The following COL28A1 variants were observed in gnomAD, a reference collection of about 807,000 sequenced individuals.
COL28A1 encodes the protein collagen type XXVIII alpha 1 chain.
A neutral mutation model predicts 150.2 loss-of-function variants in COL28A1; 161 were observed. That is an observed-to-expected ratio of 1.07 (90% CI 0.94 to 1.22). The LOEUF (loss-of-function observed/expected upper bound fraction) is 1.22, where lower values mean the gene tolerates loss of function less well. Ranked by LOEUF, COL28A1 falls within the 50% of genes most tolerant of loss-of-function variation. The pLI is 0.00. For synonymous variants in COL28A1, 552 were observed against 469.7 expected (o/e 1.18, Z -2.26); for missense variants, 1,617 against 1,388.3 (o/e 1.16, Z -2.62).
In COL28A1 at chr7:7,359,162, A is replaced by C. The variant is rs186918270; in HGVS notation, c.3206-357T>G. Among the ~76,000 whole-genome samples the C allele has an allele frequency of 2.8e-3, 423 of 152,278 alleles. 1 individual carries two copies. The highest frequency in any genetic ancestry group is 4.7e-3 in the Non-Finnish European group (319 of 68,012). ...TTCATTTACACTGGATTTGATTTAC[A>C]ATCAAATTAATATTTGGAATAAAAA... On this transcript the variant is annotated intron_variant, in intron 34 of 34. Coordinates refer to ENST00000399429, the MANE Select transcript of COL28A1 (RefSeq NM_001037763.3).
chr7:7,359,611 C>T (rs929384634), intron 34 of COL28A1, among the ~76,000 whole-genome samples: 1 of 152,114 alleles, frequency 6.6e-6, no homozygotes, highest in African/African-American at 2.4e-5. Context: ...ACAAAAAATC[C>T]CCAAATAGAT....
At chr7:7,499,485 A>C (rs1435959845) in intron 11 of COL28A1, among the ~76,000 whole-genome samples, 1 of 152,192 alleles carries the variant, frequency 6.6e-6, no homozygotes, top group African/African-American at 2.4e-5. Flanking sequence ...AACTTAAAAC[A>C]GTTTTTTGTT....
rs976264456 is a variant in COL28A1, at chr7:7,376,833, C to T, written c.2323-1336G>A. ...AACTTGATTACTGAAATTGAATGTG[C>T]GGCCATTTAAAGGCTCTGCGATACA... On this transcript the variant is annotated intron_variant, in intron 30 of 34. Coordinates refer to ENST00000399429, the MANE Select transcript of COL28A1 (RefSeq NM_001037763.3). Among the ~76,000 whole-genome samples the T allele has an allele frequency of 3.3e-5, 5 of 152,176 alleles. No homozygotes were observed. In the East Asian group the frequency reaches 7.7e-4, roughly 24 times the overall value.
downstream of COL28A1, among the ~76,000 whole-genome samples, chr7:7,355,133 G>C (rs1015911913): frequency 1.3e-5 from 2 of 152,086 alleles, no homozygotes; most frequent in African/African-American, 4.8e-5. Flanking sequence ...AAACTATGAA[G>C]ATATTAGCAA....
rs2128310419 is a variant in COL28A1 at position 7,424,503 on chromosome 7, T to C, written c.1999-4550A>G. ...TTTATTGTCAGTGGATACAGCAATATTCACAAATAAAGGAATTACAACAGG... is the reference window on the plus strand; with the variant it reads ...TTTATTGTCAGTGGATACAGCAATACTCACAAATAAAGGAATTACAACAGG... On this transcript the variant is annotated intron_variant, in intron 25 of 34. Coordinates refer to ENST00000399429, the MANE Select transcript of COL28A1 (RefSeq NM_001037763.3). Among the ~76,000 whole-genome samples the C allele has an allele frequency of 1.3e-5, 2 of 152,282 alleles. 1 individual carries two copies. Among genetic ancestry groups the C allele is most frequent in the Middle Eastern group, 6.8e-3 (2 of 294 alleles).
At chr7:7,444,293 G>T in intron 19 of COL28A1, 125 bp downstream of exon 19, 1 of 1,299,452 alleles carries the variant, frequency 7.7e-7, no homozygotes, top group Non-Finnish European at 1.1e-6. Flanking sequence ...ATTTGGGATT[G>T]TGAGATATTT....
intron 11 of COL28A1, among the ~76,000 whole-genome samples, chr7:7,502,723 A>T (rs1302949936): frequency 3.4e-5 from 1 of 29,046 alleles, no homozygotes; most frequent in Non-Finnish European, 4.7e-5. Flanking sequence ...TTTGAGACGG[A>T]GTCTTGCTCT....
intron 8 of COL28A1, among the ~76,000 whole-genome samples, chr7:7,512,743 C>A (rs1331447196): frequency 6.6e-6 from 1 of 152,084 alleles, no homozygotes; most frequent in Non-Finnish European, 1.5e-5. Flanking sequence ...CAATTCAATT[C>A]TCATTTTCAA....
chr7:7,506,976 A>G (rs1202844522), intron 10 of COL28A1, 141 bp downstream of exon 10: 3 of 567,352 alleles, frequency 5.3e-6, no homozygotes, highest in Admixed American at 5.8e-5. Context: ...TCTTCTGGGT[A>G]TCTTAAACAA....
intron 18 of COL28A1, 37 bp downstream of exon 18, chr7:7,452,282 A>C: frequency 6.3e-7 from 1 of 1,588,102 alleles, no homozygotes; most frequent in Non-Finnish European, 8.5e-7. Flanking sequence ...AATGTTACAT[A>C]AAGTATCATA....
intron 11 of COL28A1, among the ~76,000 whole-genome samples, chr7:7,494,368 G>C (rs1780089362): frequency 6.6e-6 from 1 of 152,090 alleles, no homozygotes; most frequent in African/African-American, 2.4e-5. Context: ...TTCATGCATG[G>C]AGTCACAGGG....
intron 30 of COL28A1, among the ~76,000 whole-genome samples, chr7:7,377,818 A>AAAC (rs1554261392): frequency 3.3e-5 from 5 of 151,408 alleles, no homozygotes; most frequent in African/African-American, 1.2e-4. Context: ...AAAAAAAAAA[A>AAAC]AAAAACCAGA....
intron 11 of COL28A1, among the ~76,000 whole-genome samples, chr7:7,501,678 A>C (rs531468147): frequency 3.9e-5 from 6 of 152,080 alleles, no homozygotes; most frequent in Non-Finnish European, 5.9e-5. Flanking sequence ...CATTCTTCCT[A>C]GTAATTAAAG....
At chr7:7,424,388 C>T (rs1784540416) in intron 25 of COL28A1, among the ~76,000 whole-genome samples, 2 of 152,148 alleles carry the variant, frequency 1.3e-5, no homozygotes. Context: ...ACAGGTCTTG[C>T]TTGGCCATTT....
chr7:7,381,434 T>G (rs1321101058), intron 28 of COL28A1, 110 bp downstream of exon 28: 4 of 736,232 alleles, frequency 5.4e-6, no homozygotes, highest in Non-Finnish European at 9.3e-6. Flanking sequence ...GTTTTTCTTC[T>G]GAGAGTTGTA....
chr7:7,373,253 T>C lies in COL28A1; in HGVS notation c.2653A>G (p.Asn885Asp). The change falls in exon 32 of 35, where the codon AAC (asparagine) becomes GAC (aspartate). Residue 885 changes from asparagine (N) to aspartate (D), a missense_variant. Physicochemically the swap from Asn to Asp is conservative, Grantham distance 23. Coordinates refer to ENST00000399429, the MANE Select transcript of COL28A1 (RefSeq NM_001037763.3). The surrounding 1 kb of genome is among the most constrained non-coding windows in gnomAD (Gnocchi z 4.1). ...TYTATALQAA[N>D]DMFEDARPGV... ...GGCCTTGCATCTTCAAACATGTCGT[T>C]GGCTGCTTGCAGAGCAGTGGCTGTG... 6.2e-7 allele frequency: 1 copy of C among 1,614,208 alleles called. No individual in the cohort carries two copies. Among genetic ancestry groups the C allele is most frequent in the Admixed American group, 1.7e-5 (1 of 60,030 alleles).
At chr7:7,453,570 G>A in intron 16 of COL28A1, 62 bp from the exon 17 acceptor site, 1 of 818,658 alleles carries the variant, frequency 1.2e-6, no homozygotes, top group Non-Finnish European at 2.1e-6. Context: ...ATCCTCTAAA[G>A]TGAAACTTTA....
chr7:7,396,227 C>T lies in COL28A1; in HGVS notation c.2137-14615G>A, dbSNP rs926161452. Among the ~76,000 whole-genome samples, 18 of 152,260 alleles carry T rather than the reference C, an allele frequency of 1.2e-4. No individual in the cohort carries two copies. In the South Asian group the frequency reaches 3.5e-3, roughly 30 times the overall value. On this transcript the variant is annotated intron_variant, in intron 27 of 34. Coordinates refer to ENST00000399429, the MANE Select transcript of COL28A1 (RefSeq NM_001037763.3). ...TCTCCTTCCCCCTGAAGTTCTGATC[C>T]TAATTCTCCTACTGTAACCAGCAAC...
At position 7,531,631 on chromosome 7, in the gene COL28A1, GA is replaced by G. The variant is rs1299153586; in HGVS notation, c.397del (p.Ser133LeufsTer21). The G allele has an allele frequency of 6.2e-7, 1 of 1,605,506 alleles. No homozygotes were observed. The highest frequency in any genetic ancestry group is 8.5e-7 in the Non-Finnish European group (1 of 1,172,078). ...AGTGGCATTGGAAATGGCATAATAA[GA>G]GAAGGTACCTTGCCCTATTAAATTC... is the stretch of plus-strand genomic sequence containing the variant. ...SMNLIGQGTF[S>X]YYAISNATRL... On this transcript the variant is annotated frameshift_variant, in exon 3 of 35. Coordinates refer to ENST00000399429, the MANE Select transcript of COL28A1 (RefSeq NM_001037763.3). LOFTEE classifies it high-confidence loss of function.
Sources: gnomAD v4.1 joint callset for allele counts (sites outside exome capture counted in the v4.1 genomes callset) on GRCh38, gnomAD v4.1.1 for gene constraint, Gnocchi (gnomAD v3.1) non-coding constraint, MANE v1.5 for transcripts, NCBI Gene and HGNC (gene_info 2026-07-23, HGNC 2026-07-21) for gene names.